The following SVEP1 variants were observed in gnomAD, a reference collection of about 807,000 sequenced individuals.
The protein encoded by SVEP1 is sushi, von Willebrand factor type A, EGF and pentraxin domain containing 1, also known as sushi, von Willebrand factor type A, EGF and pentraxin domain-containing protein 1.
A neutral mutation model predicts 367.3 loss-of-function variants in SVEP1; 164 were observed. The ratio of observed to expected loss-of-function variants is 0.45; its 90% CI spans 0.39 to 0.51. SVEP1 has a LOEUF of 0.51. Ranked by LOEUF, SVEP1 falls within the 20% of genes least tolerant of loss-of-function variation. The probability of loss-of-function intolerance (pLI) is 0.00; values close to 1 mark genes in which losing one functional copy is unlikely to be tolerated. For missense variants in SVEP1, 4,117 were observed against 4,425.3 expected (o/e 0.93, Z 1.98); for synonymous variants, 1,666 against 1,611.6 (o/e 1.03, Z -0.81).
At chr9:110,496,542 G>A (rs1460119382) in intron 8 of SVEP1, among the ~76,000 whole-genome samples, 4 of 152,120 alleles carry the variant, frequency 2.6e-5, no homozygotes, top group South Asian at 2.1e-4. Flanking sequence ...CTGCACTATC[G>A]GCTTCCCCAC....
At chr9:110,431,820 A>T (rs543329445) in intron 32 of SVEP1, 95 bp downstream of exon 32, 1 of 1,505,928 alleles carries the variant, frequency 6.6e-7, no homozygotes, top group East Asian at 2.4e-5. Context: ...TTGAAGTTGA[A>T]ACAATTATCT....
chr9:110,574,740 CTTCTTT>C (rs1830604947), intron 1 of SVEP1, among the ~76,000 whole-genome samples: 2 of 106,332 alleles, frequency 1.9e-5, no homozygotes, highest in Non-Finnish European at 4.1e-5. Flanking sequence ...TCCAGTCGAC[CTTCTTT>C]TTTTTTTTTT....
intron 3 of SVEP1, among the ~76,000 whole-genome samples, chr9:110,520,524 T>C (rs1829863226): frequency 1.3e-5 from 2 of 152,330 alleles, no homozygotes; most frequent in South Asian, 4.1e-4. Flanking sequence ...TGTGAATTCT[T>C]GAGGTTATCA....
intron 1 of SVEP1, among the ~76,000 whole-genome samples, chr9:110,551,411 C>T (rs1830284413): frequency 1.3e-5 from 2 of 152,148 alleles, no homozygotes; most frequent in Non-Finnish European, 2.9e-5. Flanking sequence ...GCTGCTAAAC[C>T]TGAATTTAAG....
At chr9:110,573,275 T>C (rs115499491) in intron 1 of SVEP1, among the ~76,000 whole-genome samples, 1,634 of 152,290 alleles carry the variant, frequency 0.011, 23 homozygotes, top group African/African-American at 0.037. Context: ...TATCAGCCTT[T>C]GTATGAACAA....
At chr9:110,382,097 T>C (rs535520442) in intron 43 of SVEP1, among the ~76,000 whole-genome samples, 3 of 152,304 alleles carry the variant, frequency 2.0e-5, no homozygotes, top group East Asian at 3.9e-4. Context: ...AGCATTGTTA[T>C]GTGTGAATTT....
intron 40 of SVEP1, among the ~76,000 whole-genome samples, chr9:110,400,555 C>T (rs111460430): frequency 0.26 from 39,637 of 151,798 alleles, 5,523 homozygotes; most frequent in South Asian, 0.33. Context: ...TTAGTAGAGA[C>T]GGGGTTTCAC....
intron 5 of SVEP1, among the ~76,000 whole-genome samples, chr9:110,512,227 C>T (rs139331989): frequency 2.2e-3 from 334 of 152,206 alleles, no homozygotes; most frequent in African/African-American, 7.6e-3. Flanking sequence ...TCCCTTTGCT[C>T]GCCCCCCTTT....
At chr9:110,563,458 A>G (rs908609810) in intron 1 of SVEP1, among the ~76,000 whole-genome samples, 5 of 152,212 alleles carry the variant, frequency 3.3e-5, no homozygotes, top group African/African-American at 1.2e-4. Context: ...AGAAGAAGAA[A>G]GTTAGTAAAG....
At chr9:110,493,937 C>T (rs1054488875) in intron 8 of SVEP1, among the ~76,000 whole-genome samples, 7 of 152,142 alleles carry the variant, frequency 4.6e-5, no homozygotes, top group Non-Finnish European at 7.3e-5. Context: ...GGTCCTCCTC[C>T]TCTAGCTTCA....
chr9:110,416,036 C>T lies in SVEP1; in HGVS notation c.5976-4301G>A, dbSNP rs754080902. ...TTAGGTTCTTGGCTGGTGATACTCCCGAAACACCTGGTAGAAAAAAAATCT... is the reference window on the plus strand; with the variant it reads ...TTAGGTTCTTGGCTGGTGATACTCCTGAAACACCTGGTAGAAAAAAAATCT... On this transcript the variant is annotated intron_variant, in intron 36 of 47. Transcript: ENST00000374469. Among the ~76,000 whole-genome samples the T allele has an allele frequency of 3.5e-4, 53 of 151,626 alleles. 1 individual carries two copies. The highest frequency in any genetic ancestry group is 3.4e-4 in the Non-Finnish European group (23 of 67,998).
chr9:110,546,358 T>C, intron 2 of SVEP1, 67 bp from the exon 3 acceptor site: 1 of 1,490,148 alleles, frequency 6.7e-7, no homozygotes, highest in South Asian at 1.3e-5. Flanking sequence ...TCTCTGGTCA[T>C]TAAAATTTAA....
In SVEP1 at chr9:110,512,946, C is replaced by T. The variant is rs760072139; in HGVS notation, c.1283G>A (p.Gly428Asp). ...CATACCTCTGCAGTAGCTCTCTGAA[C>T]CGGACCACAAACCATTGGGTAGACA... ...ILCLPNGLWSGSESYCRVRTC... is the reference protein window; with the variant it reads ...ILCLPNGLWSDSESYCRVRTC... Residue 428 changes from glycine (G) to aspartate (D), a missense_variant, in exon 5 of 48, where the codon GGT becomes GAT. Gly to Asp is a moderately conservative substitution (Grantham distance 94). Transcript: ENST00000374469. 13 of 1,613,822 alleles carry T rather than the reference C, an allele frequency of 8.1e-6. No individual in the cohort carries two copies. In the South Asian group the frequency reaches 1.1e-4, roughly 14 times the overall value.
intron 40 of SVEP1, among the ~76,000 whole-genome samples, chr9:110,395,600 G>A (rs1004950988): frequency 6.6e-6 from 1 of 152,024 alleles, no homozygotes; most frequent in African/African-American, 2.4e-5. Context: ...GCTATATTCA[G>A]GAAACCCATC....
At chr9:110,511,280 T>C (rs181584842) in intron 5 of SVEP1, among the ~76,000 whole-genome samples, 1 of 152,314 alleles carries the variant, frequency 6.6e-6, no homozygotes, top group African/African-American at 2.4e-5. Flanking sequence ...TATCTTTAGA[T>C]CTTCTACTGG....
At chr9:110,413,734 G>C (rs957692243) in intron 36 of SVEP1, among the ~76,000 whole-genome samples, 2 of 151,792 alleles carry the variant, frequency 1.3e-5, no homozygotes, top group African/African-American at 2.4e-5. Flanking sequence ...AAAAGATTAG[G>C]ATATACAGTA....
At chr9:110,404,688 T>TTGCACAAAATATCTACTGAG in intron 38 of SVEP1, 136 bp from the exon 39 acceptor site, 5 of 811,574 alleles carry the variant, frequency 6.2e-6, no homozygotes, top group African/African-American at 1.7e-5. Flanking sequence ...AATCAATATG[T>TTGCACAAAATATCTACTGAG]CAGGCGGATG....
At chr9:110,412,482 G>A (rs991914885) in intron 36 of SVEP1, among the ~76,000 whole-genome samples, 3 of 152,190 alleles carry the variant, frequency 2.0e-5, no homozygotes, top group African/African-American at 7.2e-5. Context: ...ACATAGGCAT[G>A]GGCAAGGACT....
intron 41 of SVEP1, 22 bp from the exon 42 acceptor site, chr9:110,387,480 T>G (rs1423070617): frequency 6.4e-7 from 1 of 1,570,510 alleles, no homozygotes. Flanking sequence ...AATAAAAGCC[T>G]CATATTAATT....
Sources: allele counts gnomAD v4.1 joint callset (sites outside exome capture counted in the v4.1 genomes callset), GRCh38; gene constraint gnomAD v4.1.1; transcripts MANE v1.5; gene names NCBI Gene and HGNC (gene_info 2026-07-23, HGNC 2026-07-21).